The following PPP1R12A variants were observed in gnomAD, a reference collection of about 807,000 sequenced individuals.
PPP1R12A encodes the protein protein phosphatase 1 regulatory subunit 12A.
In PPP1R12A, 19 loss-of-function variants were observed where a neutral mutation model predicts 139.6. The ratio of observed to expected loss-of-function variants is 0.14; its 90% CI spans 0.09 to 0.20. The LOEUF is 0.20. PPP1R12A is among the 10% of genes least tolerant of loss of function. The probability of loss-of-function intolerance (pLI) is 1.00; values close to 1 mark genes in which losing one functional copy is unlikely to be tolerated. For missense variants in PPP1R12A, 925 were observed against 1,211.5 expected (o/e 0.76, Z 3.51); for synonymous variants, 427 against 420.6 (o/e 1.02, Z -0.19).
chr12:79,807,157 G>A, intron 12 of PPP1R12A, 69 bp downstream of exon 12: 1 of 827,694 alleles, frequency 1.2e-6, no homozygotes, highest in Non-Finnish European at 1.9e-6. Flanking sequence ...TAAACTGAGG[G>A]CTCCAAACAA....
Position 79,786,452 on chromosome 12 carries a change from AT to A in PPP1R12A, c.2828del (p.Asn943MetfsTer4). The A allele has an allele frequency of 6.4e-7, 1 of 1,555,536 alleles. No homozygotes were observed. Among genetic ancestry groups the A allele is most frequent in the Non-Finnish European group, 8.7e-7 (1 of 1,149,758 alleles). ...CATGTAGCTGTGCCTTCAGCTTTTC[AT>A]TTTCAGCTAGAATTTGTTCATAAAG... Reference protein sequence around the residue: ...KKLYEQILAENEKLKAQLHDT... With the variant: ...KKLYEQILAEXEKLKAQLHDT... On this transcript the variant is annotated frameshift_variant, in exon 22 of 25. Transcript: ENST00000450142. LOFTEE classifies it high-confidence loss of function.
intron 2 of PPP1R12A, 65 bp downstream of exon 2, chr12:79,872,743 C>T (rs2656037): frequency 0.1 from 158,887 of 1,521,204 alleles, 16,932 homozygotes; most frequent in African/African-American, 0.5. Flanking sequence ...ATCTTTATCA[C>T]TTCAATAAAC....
At chr12:79,874,005 G>A (rs1262115691) in intron 1 of PPP1R12A, among the ~76,000 whole-genome samples, 1 of 152,190 alleles carries the variant, frequency 6.6e-6, no homozygotes, top group Non-Finnish European at 1.5e-5. Context: ...GCCAGGCGCG[G>A]TGGCTCACGC....
chr12:79,857,388 C>A (rs1880793678), intron 2 of PPP1R12A, among the ~76,000 whole-genome samples: 1 of 135,382 alleles, frequency 7.4e-6, no homozygotes, highest in African/African-American at 2.8e-5. Flanking sequence ...ACAATGAGAA[C>A]ATATGGACAC....
At chr12:79,927,502 A>T (rs1218623652) in intron 1 of PPP1R12A, among the ~76,000 whole-genome samples, 1 of 152,202 alleles carries the variant, frequency 6.6e-6, no homozygotes, top group Admixed American at 6.5e-5. Flanking sequence ...GAAAAAAATT[A>T]TATGTGTGTT....
chr12:79,802,600 T>A (rs368125340), intron 14 of PPP1R12A, among the ~76,000 whole-genome samples: 6 of 152,156 alleles, frequency 3.9e-5, no homozygotes, highest in African/African-American at 1.4e-4. Flanking sequence ...CTAGGCAACA[T>A]AGCAAGACTC....
At chr12:79,877,984 C>T (rs1160261639) in intron 1 of PPP1R12A, among the ~76,000 whole-genome samples, 1 of 151,310 alleles carries the variant, frequency 6.6e-6, no homozygotes, top group Non-Finnish European at 1.5e-5. Context: ...TATCAACAAG[C>T]AAATAAGAAA....
chr12:79,777,709 T>C, intron 24 of PPP1R12A: 1 of 898,456 alleles, frequency 1.1e-6, no homozygotes, highest in South Asian at 5.2e-5. Flanking sequence ...TGGAAAAGAG[T>C]ATAATAAGAA....
chr12:79,890,899 A>ACCCC (rs139442956), intron 1 of PPP1R12A, among the ~76,000 whole-genome samples: 3 of 66,842 alleles, frequency 4.5e-5, no homozygotes, highest in Admixed American at 1.8e-4. Context: ...ACCCACCCAC[A>ACCCC]CCCACCCACA....
At chr12:79,891,943 ATC>A (rs1428008378) in intron 1 of PPP1R12A, among the ~76,000 whole-genome samples, 1 of 152,216 alleles carries the variant, frequency 6.6e-6, no homozygotes, top group Non-Finnish European at 1.5e-5. Flanking sequence ...CGAGGAAAAT[ATC>A]ATGAGAAACC....
intron 4 of PPP1R12A, among the ~76,000 whole-genome samples, chr12:79,831,930 GTAAA>G: frequency 6.6e-6 from 1 of 152,212 alleles, no homozygotes; most frequent in South Asian, 2.1e-4. Flanking sequence ...TAAGTTACAT[GTAAA>G]TAAATATTCT....
chr12:79,905,145 A>G lies in PPP1R12A; in HGVS notation c.237+29550T>C, dbSNP rs73350947. On this transcript the variant is annotated intron_variant, in intron 1 of 24. Coordinates refer to ENST00000450142, the MANE Select transcript of PPP1R12A (RefSeq NM_002480.3). ...TAGCTATTACTTTCCTGCTTAGTAT[A>G]CCTAACAGCCTTCAAACAACTTTGT... Among the ~76,000 whole-genome samples, 380 of 152,210 alleles carry G rather than the reference A, an allele frequency of 2.5e-3. 1 individual carries two copies. The highest frequency in any genetic ancestry group is 8.7e-3 in the African/African-American group (362 of 41,544).
intron 20 of PPP1R12A, 36 bp downstream of exon 20, chr12:79,790,431 G>A (rs1871697723): frequency 2.4e-6 from 3 of 1,228,348 alleles, no homozygotes; most frequent in South Asian, 1.7e-5. Flanking sequence ...ATAAAAATAA[G>A]AAAAAAATGT....
chr12:79,857,747 T>C (rs1265671930), intron 2 of PPP1R12A, among the ~76,000 whole-genome samples: 1 of 152,168 alleles, frequency 6.6e-6, no homozygotes, highest in East Asian at 1.9e-4. Context: ...CATGTATCTA[T>C]CTATAAGCCT....
chr12:79,798,511 A>C lies in PPP1R12A; in HGVS notation c.2074T>G (p.Ser692Ala), dbSNP rs1470959724. ...AACTATACCTGTGTTGATCTTCTAG[A>C]TTGTCTTGCTTGTCTAGATCTTGCT... The part of the protein sequence containing the change: ...RKARSRQARQ[S>A]RRSTQGVTLT... Residue 692 changes from serine to alanine, a missense_variant, in exon 15 of 25, where the codon TCT (serine) becomes GCT (alanine). Ser to Ala is a moderately conservative substitution (Grantham distance 99, BLOSUM62 1). Coordinates refer to ENST00000450142, the MANE Select transcript of PPP1R12A (RefSeq NM_002480.3). 2 of 1,555,690 alleles carry C rather than the reference A, an allele frequency of 1.3e-6. No homozygotes were observed. The highest frequency in any genetic ancestry group is 1.7e-6 in the Non-Finnish European group (2 of 1,144,230).
chr12:79,779,284 C>T (rs1169286460), intron 23 of PPP1R12A: 1 of 1,284,200 alleles, frequency 7.8e-7, no homozygotes, highest in Non-Finnish European at 1.0e-6. Flanking sequence ...AAGCAAGCAG[C>T]AGTAATTGAT....
At chr12:79,921,128 T>C (rs1299628756) in intron 1 of PPP1R12A, among the ~76,000 whole-genome samples, 1 of 152,216 alleles carries the variant, frequency 6.6e-6, no homozygotes, top group Non-Finnish European at 1.5e-5. Flanking sequence ...AGAAGAGACC[T>C]TTAATATATG....
intron 3 of PPP1R12A, among the ~76,000 whole-genome samples, chr12:79,833,607 T>C (rs1388972792): frequency 1.3e-5 from 2 of 151,330 alleles, no homozygotes; most frequent in African/African-American, 4.9e-5. Context: ...GGCAGATCAT[T>C]TGAGGTCAGC....
intron 1 of PPP1R12A, among the ~76,000 whole-genome samples, chr12:79,932,737 AG>A (rs1555258551): frequency 1.3e-5 from 2 of 152,200 alleles, no homozygotes; most frequent in Non-Finnish European, 1.5e-5. Flanking sequence ...TATTGAGAGG[AG>A]AAAAAAAGAT....
Sources: gnomAD v4.1 joint callset for allele counts (sites outside exome capture counted in the v4.1 genomes callset) on GRCh38, gnomAD v4.1.1 for gene constraint, MANE v1.5 for transcripts, NCBI Gene and HGNC (gene_info 2026-07-23, HGNC 2026-07-21) for gene names.